The following BNC2 variants were observed in gnomAD, a reference collection of about 807,000 sequenced individuals.
BNC2 encodes the protein zinc finger protein basonuclin-2.
BNC2 carries 20 observed loss-of-function variants against 76.3 expected under a neutral mutation model. That is an observed-to-expected ratio of 0.26 (90% confidence interval 0.18 to 0.38). The LOEUF is 0.38. Ranked by LOEUF, BNC2 falls within the 10% of genes least tolerant of loss-of-function variation. BNC2 has a pLI of 1.00. For missense variants in BNC2, 1,382 were observed against 1,399.8 expected (o/e 0.99, Z 0.20); for synonymous variants, 582 against 514.8 (o/e 1.13, Z -1.77).
rs577772254 is a variant in BNC2, at chr9:16,806,005, G to C, written c.3+64641C>G. The stretch of plus-strand genomic sequence containing the variant: ...TGATTTGCTTCCCCAATGAAGCAGA[G>C]AGAAGCAATGCCCTTAAAGAAGGAA... On this transcript the variant is annotated intron_variant, in intron 1 of 6. Transcript: ENST00000380672. Among the ~76,000 whole-genome samples, 4 of 152,264 alleles carry C rather than the reference G, an allele frequency of 2.6e-5. No homozygotes were observed. The East Asian group carries it at 7.7e-4, about 29-fold the overall frequency.
intron 1 of BNC2, among the ~76,000 whole-genome samples, chr9:16,847,348 C>T (rs1269799605): frequency 1.5e-5 from 2 of 129,282 alleles, no homozygotes; most frequent in South Asian, 2.3e-4. Context: ...ACCTTTTTTA[C>T]ACTTTAAGTA....
intron 3 of BNC2, among the ~76,000 whole-genome samples, chr9:16,720,125 C>G (rs1824107365): frequency 6.6e-6 from 1 of 152,214 alleles, no homozygotes. Flanking sequence ...ACTCAAAGAA[C>G]CCTTCTACAG....
chr9:16,632,250 A>G (rs1821183388), intron 3 of BNC2, among the ~76,000 whole-genome samples: 1 of 152,010 alleles, frequency 6.6e-6, no homozygotes, highest in South Asian at 2.1e-4. Context: ...AACCCCTTCT[A>G]TGTTTTAGGC....
chr9:16,438,727 T>C (rs1489062587), intron 5 of BNC2, among the ~76,000 whole-genome samples: 2 of 151,180 alleles, frequency 1.3e-5, no homozygotes, highest in African/African-American at 4.9e-5. Flanking sequence ...AAGATACTTA[T>C]TAATTACAAA....
rs1381375029 is a variant in BNC2 at position 16,807,713 on chromosome 9, T to C, written c.3+62933A>G. Among the ~76,000 whole-genome samples the C allele has an allele frequency of 1.3e-5, 2 of 152,156 alleles. 1 individual carries two copies. Among genetic ancestry groups the C allele is most frequent in the Non-Finnish European group, 2.9e-5 (2 of 68,008 alleles). ...TGAACCCATTGAGGATAAAGACCTG[T>C]AACTAATTCATTGATTAACATAAAG... On this transcript the variant is annotated intron_variant, in intron 1 of 6. Coordinates refer to ENST00000380672, the MANE Select transcript of BNC2 (RefSeq NM_017637.6).
At chr9:16,755,693 G>A (rs1825365488) in intron 1 of BNC2, among the ~76,000 whole-genome samples, 2 of 152,098 alleles carry the variant, frequency 1.3e-5, no homozygotes, top group African/African-American at 2.4e-5. Context: ...CCGGGGCAGT[G>A]TCTAATAGAA....
chr9:16,697,459 C>T (rs1287796089), intron 3 of BNC2, among the ~76,000 whole-genome samples: 1 of 151,088 alleles, frequency 6.6e-6, no homozygotes, highest in African/African-American at 2.4e-5. Flanking sequence ...CGGTGGCTCA[C>T]GCCTGTAATT....
chr9:16,459,903 C>T (rs72717014), intron 5 of BNC2, among the ~76,000 whole-genome samples: 84 of 152,304 alleles, frequency 5.5e-4, no homozygotes, highest in Non-Finnish European at 9.3e-4. Flanking sequence ...TACATTATCC[C>T]TTTCTGAAAC....
At chr9:16,510,271 C>T (rs1041170857) in intron 5 of BNC2, among the ~76,000 whole-genome samples, 4 of 152,206 alleles carry the variant, frequency 2.6e-5, no homozygotes, top group Admixed American at 6.5e-5. Context: ...TGGACAGCCT[C>T]CTGCTAGGCC....
At chr9:16,779,026 C>G (rs7024639) in intron 1 of BNC2, among the ~76,000 whole-genome samples, 3,475 of 150,378 alleles carry the variant, frequency 0.023, 104 homozygotes, top group East Asian at 0.12. Context: ...TGCCTGTAAT[C>G]CCAGTACTTT....
At chr9:16,811,423 G>A (rs1661397904) in intron 1 of BNC2, among the ~76,000 whole-genome samples, 1 of 150,990 alleles carries the variant, frequency 6.6e-6, no homozygotes, top group Non-Finnish European at 1.5e-5. Flanking sequence ...ATAGTGGCGG[G>A]CACCTGTAAT....
At chr9:16,840,913 T>A (rs570251499) in intron 1 of BNC2, among the ~76,000 whole-genome samples, 1 of 152,242 alleles carries the variant, frequency 6.6e-6, no homozygotes, top group African/African-American at 2.4e-5. Context: ...CAGGCCTAAC[T>A]GTAGATAATA....
chr9:16,769,688 G>T (rs1825785339), intron 1 of BNC2, among the ~76,000 whole-genome samples: 3 of 152,332 alleles, frequency 2.0e-5, no homozygotes, highest in Admixed American at 6.5e-5. Context: ...GAGGTAAGTA[G>T]TCTCCAAGTC....
At chr9:16,713,491 G>A (rs1488243458) in intron 3 of BNC2, among the ~76,000 whole-genome samples, 1 of 142,234 alleles carries the variant, frequency 7.0e-6, no homozygotes, top group Non-Finnish European at 1.5e-5. Context: ...TGTGACTATG[G>A]CAAAGTGACA....
chr9:16,526,478 T>A (rs906683075), intron 5 of BNC2, among the ~76,000 whole-genome samples: 1 of 143,008 alleles, frequency 7.0e-6, no homozygotes, highest in Non-Finnish European at 1.5e-5. Context: ...TTTTTTTTTT[T>A]TTTTTTTTTT....
intron 3 of BNC2, among the ~76,000 whole-genome samples, chr9:16,713,691 G>T (rs115928499): frequency 6.6e-6 from 1 of 151,856 alleles, no homozygotes; most frequent in Non-Finnish European, 1.5e-5. Flanking sequence ...GCTTTCCCCC[G>T]CCCTTTTTTT....
chr9:16,750,213 A>C (rs2135266013), intron 1 of BNC2, among the ~76,000 whole-genome samples: 1 of 152,364 alleles, frequency 6.6e-6, no homozygotes, highest in South Asian at 2.1e-4. Context: ...TAGGATTTCT[A>C]GTTGGAAAAA....
chr9:16,850,000 A>T (rs1204716914), intron 1 of BNC2, among the ~76,000 whole-genome samples: 1 of 152,182 alleles, frequency 6.6e-6, no homozygotes. Context: ...GTATTTGTTT[A>T]TGCCCCCCAC....
intron 3 of BNC2, among the ~76,000 whole-genome samples, chr9:16,658,768 C>T (rs1017276563): frequency 6.6e-6 from 1 of 152,162 alleles, no homozygotes; most frequent in South Asian, 2.1e-4. Context: ...GACAATCCAG[C>T]TACCAAATAA....
Sources: allele counts gnomAD v4.1 joint callset (sites outside exome capture counted in the v4.1 genomes callset), GRCh38; gene constraint gnomAD v4.1.1; transcripts MANE v1.5; gene names NCBI Gene and HGNC (gene_info 2026-07-23, HGNC 2026-07-21).